The following SLC4A10 variants were observed in gnomAD, a reference collection of about 807,000 sequenced individuals.
SLC4A10 encodes the protein solute carrier family 4 member 10.
SLC4A10 carries 42 observed loss-of-function variants against 137.7 expected under a neutral mutation model. The ratio of observed to expected loss-of-function variants is 0.30; its 90% CI spans 0.24 to 0.39. The LOEUF (loss-of-function observed/expected upper bound fraction) is 0.39. Ranked by LOEUF, SLC4A10 falls within the 10% of genes least tolerant of loss-of-function variation. SLC4A10 has a pLI of 1.00. For synonymous variants in SLC4A10, 474 were observed against 464.1 expected, an observed-to-expected ratio of 1.02 and a Z score of -0.27; for missense variants, 925 against 1,355.0, an observed-to-expected ratio of 0.68 and a Z score of 4.98.
intron 1 of SLC4A10, among the ~76,000 whole-genome samples, chr2:161,692,797 C>T (rs1371940730): frequency 6.6e-6 from 1 of 152,042 alleles, no homozygotes; most frequent in African/African-American, 2.4e-5. Context: ...TAAATTTTAA[C>T]TAACTCGTCC....
intron 15 of SLC4A10, among the ~76,000 whole-genome samples, chr2:161,933,216 T>TTTCA (rs1559565415): frequency 6.8e-6 from 1 of 147,146 alleles, no homozygotes; most frequent in African/African-American, 2.5e-5. Context: ...TCTTTCTTTC[T>TTTCA]TTCTTTCTTT....
At chr2:161,666,140 G>A (rs1424036470) in intron 1 of SLC4A10, among the ~76,000 whole-genome samples, 1 of 151,212 alleles carries the variant, frequency 6.6e-6, no homozygotes, top group Non-Finnish European at 1.5e-5. Context: ...ATACATTTTT[G>A]ATATAGGCCA....
chr2:161,818,849 G>A (rs1415222131), intron 3 of SLC4A10, among the ~76,000 whole-genome samples: 2 of 152,114 alleles, frequency 1.3e-5, no homozygotes, highest in Non-Finnish European at 2.9e-5. Flanking sequence ...TGGTGGATAA[G>A]TTTTTGATGT....
chr2:161,974,337 C>T (rs1476227216), intron 24 of SLC4A10, 21 bp downstream of exon 24: 1 of 1,570,102 alleles, frequency 6.4e-7, no homozygotes, highest in African/African-American at 1.4e-5. Context: ...AATTTAAAAA[C>T]ACATCAATTA....
intron 21 of SLC4A10, 102 bp downstream of exon 21, chr2:161,958,657 G>A (rs1368564470): frequency 1.3e-5 from 9 of 707,706 alleles, no homozygotes; most frequent in Middle Eastern, 2.4e-4. Flanking sequence ...CTGAGGAACA[G>A]CTTTTAGACC....
intron 14 of SLC4A10, among the ~76,000 whole-genome samples, chr2:161,905,411 G>A (rs1412408879): frequency 6.6e-6 from 1 of 152,182 alleles, no homozygotes; most frequent in African/African-American, 2.4e-5. Context: ...AGCTCAGGCG[G>A]TAATGCTCAC....
At chr2:161,796,220 A>G (rs539534223) in intron 2 of SLC4A10, among the ~76,000 whole-genome samples, 2 of 152,236 alleles carry the variant, frequency 1.3e-5, no homozygotes, top group East Asian at 3.9e-4. Context: ...GTCACAATCC[A>G]TTTCCAAACG....
chr2:161,960,929 G>A (rs1339411260), intron 21 of SLC4A10, among the ~76,000 whole-genome samples: 1 of 152,134 alleles, frequency 6.6e-6, no homozygotes, highest in Admixed American at 6.5e-5. Flanking sequence ...AAACCACCAA[G>A]TTGTGGTAAT....
rs77014675 is a variant in SLC4A10, at chr2:161,787,308, C to T, written c.130+16254C>T. Among the ~76,000 whole-genome samples the T allele has an allele frequency of 3.6e-3, 542 of 152,202 alleles. 4 individuals are homozygous for T. The highest frequency in any genetic ancestry group is 0.012 in the African/African-American group (496 of 41,570). On this transcript the variant is annotated intron_variant, in intron 2 of 26. Coordinates refer to ENST00000446997, the MANE Select transcript of SLC4A10 (RefSeq NM_001178015.2). Reference sequence around the variant, plus strand: ...AGCCACTGCTAGTCTGATGGAATTTCCTTTACAGGTGACTTGACTGTTCTC... The same window carrying T: ...AGCCACTGCTAGTCTGATGGAATTTTCTTTACAGGTGACTTGACTGTTCTC...
intron 1 of SLC4A10, among the ~76,000 whole-genome samples, chr2:161,767,643 G>A (rs949700186): frequency 6.6e-6 from 1 of 151,744 alleles, no homozygotes; most frequent in African/African-American, 2.4e-5. Flanking sequence ...CCTTTGCCTT[G>A]GTCATCTGAA....
rs911540353 is a variant in SLC4A10, at chr2:161,897,076, TA to T, written c.1341+2255del. Among the ~76,000 whole-genome samples the T allele has an allele frequency of 2.6e-5, 4 of 152,252 alleles. No individual in the cohort carries two copies. The East Asian group carries it at 5.8e-4, about 22-fold the overall frequency. On this transcript the variant is annotated intron_variant, in intron 11 of 26. Transcript: ENST00000446997. ...ATCACAGGAAATATTGGGAAGATTT[TA>T]AAATTATAATTCTTATATTTGTATT...
At chr2:161,974,631 C>T (rs1699094426) in intron 24 of SLC4A10, among the ~76,000 whole-genome samples, 1 of 152,084 alleles carries the variant, frequency 6.6e-6, no homozygotes, top group East Asian at 1.9e-4. Context: ...GATCAAGGTT[C>T]CTTTTTTGTA....
chr2:161,700,831 T>C (rs879317818), intron 1 of SLC4A10, among the ~76,000 whole-genome samples: 4 of 152,264 alleles, frequency 2.6e-5, no homozygotes, highest in East Asian at 3.9e-4. Context: ...CTACGCGCTC[T>C]GTAGTGTCTA....
chr2:161,862,731 C>T, intron 5 of SLC4A10, 143 bp from the exon 6 acceptor site: 1 of 610,706 alleles, frequency 1.6e-6, no homozygotes, highest in Admixed American at 4.2e-5. Context: ...TAACAGCATG[C>T]TTAGAGATTT....
Position 161,644,375 on chromosome 2 carries a change from A to G in SLC4A10, c.48+19809A>G, listed in dbSNP as rs567100897. ...GCCGGGCGTGGTGGTACGTTGCTGT[A>G]GTGCCAGCTACACAGGAGGCTGAAG... On this transcript the variant is annotated intron_variant, in intron 1 of 26. Coordinates refer to ENST00000446997, the MANE Select transcript of SLC4A10 (RefSeq NM_001178015.2). Among the ~76,000 whole-genome samples, 18 of 152,270 alleles carry G rather than the reference A, an allele frequency of 1.2e-4. No homozygotes were observed. The South Asian group carries it at 3.7e-3, about 32-fold the overall frequency.
chr2:161,907,654 G>C, intron 15 of SLC4A10, among the ~76,000 whole-genome samples: 1 of 152,190 alleles, frequency 6.6e-6, no homozygotes, highest in East Asian at 1.9e-4. Flanking sequence ...CTTCCTGGAG[G>C]AAATAATGTA....
chr2:161,761,050 C>A (rs992408418), intron 1 of SLC4A10, among the ~76,000 whole-genome samples: 11 of 151,890 alleles, frequency 7.2e-5, no homozygotes, highest in African/African-American at 2.4e-4. Flanking sequence ...CTACTACATG[C>A]CAGGCAAATT....
chr2:161,691,719 G>A (rs1203035173), intron 1 of SLC4A10, among the ~76,000 whole-genome samples: 1 of 152,078 alleles, frequency 6.6e-6, no homozygotes, highest in Non-Finnish European at 1.5e-5. Context: ...CTGCCCTCAG[G>A]AGGGCAGAAT....
intron 18 of SLC4A10, 108 bp from the exon 19 acceptor site, chr2:161,950,579 G>C (rs1220527206): frequency 1.0e-6 from 1 of 954,272 alleles, no homozygotes; most frequent in South Asian, 1.7e-5. Context: ...AGGCCACTCA[G>C]CTCCTCTGTT....
Sources: allele counts gnomAD v4.1 joint callset (sites outside exome capture counted in the v4.1 genomes callset), GRCh38; gene constraint gnomAD v4.1.1; transcripts MANE v1.5; gene names NCBI Gene and HGNC (gene_info 2026-07-23, HGNC 2026-07-21).